CNTNAP2: variants seen among roughly 807,000 people sequenced by gnomAD.
The protein encoded by CNTNAP2 is contactin-associated protein-like 2.
Under a neutral mutation model 155.2 loss-of-function variants are expected in CNTNAP2, and 98 were observed. The observed-to-expected ratio is 0.63, with a 90% CI of 0.54 to 0.75. The LOEUF (loss-of-function observed/expected upper bound fraction) is 0.75. Among genes scored for constraint, CNTNAP2 ranks in the 30% least tolerant of loss-of-function variants. The pLI, the probability that CNTNAP2 is intolerant of heterozygous loss-of-function variation, is 0.00. For synonymous variants in CNTNAP2, 651 were observed against 631.2 expected, an observed-to-expected ratio of 1.03 and a Z score of -0.47; for missense variants, 1,727 against 1,688.1, an observed-to-expected ratio of 1.02 and a Z score of -0.40.
intron 3 of CNTNAP2, among the ~76,000 whole-genome samples, chr7:146,957,447 C>T (rs1584748161): frequency 6.6e-6 from 1 of 152,122 alleles, no homozygotes; most frequent in Non-Finnish European, 1.5e-5. Context: ...ATTTTAGTCT[C>T]CATTTCACTC....
At chr7:146,263,243 A>AAAGGAGGGAGGGAGTGAGCG (rs1799945897) in intron 1 of CNTNAP2, among the ~76,000 whole-genome samples, 3 of 150,496 alleles carry the variant, frequency 2.0e-5, no homozygotes, top group Admixed American at 2.0e-4. Flanking sequence ...CCCTTGAAGG[A>AAAGGAGGGAGGGAGTGAGCG]AAGGAGGGAG....
At chr7:146,617,017 T>TTTTTTTTTTTTG (rs113504240) in intron 1 of CNTNAP2, among the ~76,000 whole-genome samples, 4 of 151,274 alleles carry the variant, frequency 2.6e-5, no homozygotes, top group African/African-American at 7.3e-5. Context: ...AACCTGGTTT[T>TTTTTTTTTTTTG]TTTGTTTGTT....
chr7:147,357,083 A>G (rs1359867537), intron 9 of CNTNAP2, among the ~76,000 whole-genome samples: 4 of 152,040 alleles, frequency 2.6e-5, no homozygotes, highest in Non-Finnish European at 5.9e-5. Context: ...ATCTTCTTGT[A>G]AGTTATTTAT....
chr7:148,298,389 G>A (rs1023348818), intron 21 of CNTNAP2, among the ~76,000 whole-genome samples: 14 of 152,182 alleles, frequency 9.2e-5, no homozygotes, highest in Admixed American at 7.9e-4. Context: ...CTGGGGCAAC[G>A]GGAGGGCAGA....
chr7:147,433,310 C>G (rs561325274), intron 10 of CNTNAP2, among the ~76,000 whole-genome samples: 2 of 152,282 alleles, frequency 1.3e-5, no homozygotes, highest in African/African-American at 4.8e-5. Context: ...TATTATTTTT[C>G]TCTACCTCAC....
intron 1 of CNTNAP2, among the ~76,000 whole-genome samples, chr7:146,464,196 T>G (rs1257936032): frequency 4.4e-4 from 66 of 150,758 alleles, no homozygotes; most frequent in Non-Finnish European, 8.0e-4. Context: ...TGTTTTTTTT[T>G]TTTTTTTTTT....
At position 147,513,529 on chromosome 7, in the gene CNTNAP2, T is replaced by G. The variant is rs543045471; in HGVS notation, c.1777+27488T>G. Among the ~76,000 whole-genome samples the G allele has an allele frequency of 2.6e-5, 4 of 152,362 alleles. No individual in the cohort carries two copies. The East Asian group carries it at 7.7e-4, about 29-fold the overall frequency. On this transcript the variant is annotated intron_variant, in intron 11 of 23. Transcript: ENST00000361727. ...TAATGCTAAAAGGAGGCAACACATGTTGATTATAAAGCCTTCCATGTATGT... is the reference window on the plus strand; with the variant it reads ...TAATGCTAAAAGGAGGCAACACATGGTGATTATAAAGCCTTCCATGTATGT...
intron 22 of CNTNAP2, among the ~76,000 whole-genome samples, chr7:148,395,260 T>A (rs1441649960): frequency 1.3e-5 from 2 of 152,004 alleles, no homozygotes; most frequent in Non-Finnish European, 2.9e-5. Context: ...GCCTCTAACT[T>A]TCTAATTTGA....
At chr7:147,720,353 C>T (rs761085732) in intron 13 of CNTNAP2, among the ~76,000 whole-genome samples, 2 of 152,110 alleles carry the variant, frequency 1.3e-5, no homozygotes, top group African/African-American at 2.4e-5. Context: ...GTAATATGTA[C>T]AGCATTCCCA....
At chr7:146,223,494 G>A (rs1194248674) in intron 1 of CNTNAP2, among the ~76,000 whole-genome samples, 1 of 152,078 alleles carries the variant, frequency 6.6e-6, no homozygotes, top group Non-Finnish European at 1.5e-5. Context: ...AGGACTCACT[G>A]TCACCCTTCT....
intron 9 of CNTNAP2, among the ~76,000 whole-genome samples, chr7:147,375,708 C>T (rs1796422628): frequency 6.6e-6 from 1 of 152,072 alleles, no homozygotes; most frequent in African/African-American, 2.4e-5. Context: ...TAGTTTTTCA[C>T]CATTTCCATT....
intron 1 of CNTNAP2, among the ~76,000 whole-genome samples, chr7:146,512,556 A>T (rs775342679): frequency 1.3e-5 from 2 of 151,328 alleles, no homozygotes; most frequent in Non-Finnish European, 3.0e-5. Flanking sequence ...TGGTTATTTA[A>T]GAGCATGTTG....
intron 13 of CNTNAP2, among the ~76,000 whole-genome samples, chr7:147,880,857 GT>G: frequency 1.9e-5 from 1 of 52,906 alleles, no homozygotes; most frequent in Non-Finnish European, 3.8e-5. Context: ...GGAGTTGGGT[GT>G]GTGTGTGTGT....
At position 147,909,074 on chromosome 7, in the gene CNTNAP2, A is replaced by C. The variant is rs1393887460; in HGVS notation, c.2255+5353A>C. Reference sequence around the variant, plus strand: ...AATGTTGAATGGAACCTTAGCTAAAAATTATTTTAAAATGTCTTAAATTAC... The same window carrying C: ...AATGTTGAATGGAACCTTAGCTAAACATTATTTTAAAATGTCTTAAATTAC... On this transcript the variant is annotated intron_variant, in intron 14 of 23. Transcript: ENST00000361727. Among the ~76,000 whole-genome samples the C allele has an allele frequency of 2.6e-5, 4 of 152,168 alleles. No homozygotes were observed. The East Asian group carries it at 7.7e-4, about 29-fold the overall frequency.
intron 2 of CNTNAP2, among the ~76,000 whole-genome samples, chr7:146,825,784 C>T (rs1803389080): frequency 6.6e-6 from 1 of 152,056 alleles, no homozygotes. Context: ...GACCTAGCTT[C>T]AAAATCATTG....
chr7:147,242,740 C>A (rs1803965079), intron 8 of CNTNAP2, among the ~76,000 whole-genome samples: 1 of 152,064 alleles, frequency 6.6e-6, no homozygotes, highest in Non-Finnish European at 1.5e-5. Flanking sequence ...AATAAGGCTG[C>A]TAACTAGAAG....
chr7:147,493,713 A>G (rs1185894161), intron 11 of CNTNAP2, among the ~76,000 whole-genome samples: 1 of 152,200 alleles, frequency 6.6e-6, no homozygotes, highest in Non-Finnish European at 1.5e-5. Context: ...ACCTCTTAGA[A>G]TCTAGCTTGG....
At chr7:147,747,145 T>A (rs1797057519) in intron 13 of CNTNAP2, among the ~76,000 whole-genome samples, 1 of 152,210 alleles carries the variant, frequency 6.6e-6, no homozygotes, top group African/African-American at 2.4e-5. Flanking sequence ...CTCTTATCTA[T>A]GTCAGAAATA....
At chr7:147,967,724 T>C (rs1261940603) in intron 14 of CNTNAP2, among the ~76,000 whole-genome samples, 5 of 152,202 alleles carry the variant, frequency 3.3e-5, no homozygotes, top group African/African-American at 1.2e-4. Context: ...ACACTGCATA[T>C]CTACGTGAAG....
Sources: gnomAD v4.1 joint callset for allele counts (sites outside exome capture counted in the v4.1 genomes callset) on GRCh38, gnomAD v4.1.1 for gene constraint, MANE v1.5 for transcripts, NCBI Gene and HGNC (gene_info 2026-07-23, HGNC 2026-07-21) for gene names.